Variants in NAALADL2 observed in about 807,000 individuals in gnomAD.
NAALADL2 encodes the protein N-acetylated alpha-linked acidic dipeptidase like 2.
NAALADL2 carries 76 observed loss-of-function variants against 87.2 expected under a neutral mutation model. That is an observed-to-expected ratio of 0.87 (90% CI 0.72 to 1.05). The LOEUF is 1.05. Among genes scored for constraint, NAALADL2 ranks in the 50% least tolerant of loss-of-function variants. The pLI is 0.00. For synonymous variants in NAALADL2, 354 were observed against 331.0 expected, an observed-to-expected ratio of 1.07 and a Z score of -0.75; for missense variants, 1,089 against 945.8, an observed-to-expected ratio of 1.15 and a Z score of -1.99.
At chr3:174,985,957 A>T (rs1745806589) in intron 1 of NAALADL2, among the ~76,000 whole-genome samples, 1 of 152,010 alleles carries the variant, frequency 6.6e-6, no homozygotes, top group Admixed American at 6.5e-5. Context: ...CGTCTCAAAA[A>T]AAACAAAATA....
chr3:175,012,664 C>A (rs1219920707), intron 1 of NAALADL2, among the ~76,000 whole-genome samples: 1 of 152,008 alleles, frequency 6.6e-6, no homozygotes, highest in East Asian at 1.9e-4. Context: ...AAGTAAAGTG[C>A]ACAGCCATGC....
intron 1 of NAALADL2, among the ~76,000 whole-genome samples, chr3:174,477,062 A>G (rs970262589): frequency 1.3e-5 from 2 of 151,982 alleles, no homozygotes; most frequent in African/African-American, 4.8e-5. Context: ...GCACCATTGC[A>G]CTCCAGCCTG....
intron 9 of NAALADL2, among the ~76,000 whole-genome samples, chr3:175,539,327 T>G (rs1711862452): frequency 6.6e-6 from 1 of 152,174 alleles, no homozygotes; most frequent in East Asian, 1.9e-4. Flanking sequence ...CCTTTTTTAT[T>G]ATTAAATAGA....
intron 12 of NAALADL2, among the ~76,000 whole-genome samples, chr3:175,745,072 C>T (rs1745738839): frequency 6.6e-6 from 1 of 152,006 alleles, no homozygotes; most frequent in African/African-American, 2.4e-5. Flanking sequence ...GTAATTTTTA[C>T]CACTTGACAA....
intron 1 of NAALADL2, among the ~76,000 whole-genome samples, chr3:174,864,981 T>G (rs1490458596): frequency 6.6e-6 from 1 of 152,068 alleles, no homozygotes; most frequent in East Asian, 1.9e-4. Context: ...CCCTTGAGCT[T>G]CTAATTACTC....
chr3:175,034,875 T>C (rs1753223829), intron 1 of NAALADL2, among the ~76,000 whole-genome samples: 1 of 152,188 alleles, frequency 6.6e-6, no homozygotes, highest in Non-Finnish European at 1.5e-5. Flanking sequence ...GTTATAATCA[T>C]ATGAATTATT....
chr3:174,944,782 A>G (rs975396501), intron 1 of NAALADL2, among the ~76,000 whole-genome samples: 13 of 152,252 alleles, frequency 8.5e-5, no homozygotes, highest in Admixed American at 4.6e-4. Flanking sequence ...TGGGGGTTGC[A>G]AATATCCATG....
At chr3:174,577,342 A>G (rs192691049) in intron 2 of NAALADL2, among the ~76,000 whole-genome samples, 1 of 152,278 alleles carries the variant, frequency 6.6e-6, no homozygotes, top group Admixed American at 6.5e-5. Context: ...ACTGTTATAG[A>G]AGAGTATATT....
At chr3:174,905,271 G>C (rs952145997) in intron 1 of NAALADL2, among the ~76,000 whole-genome samples, 1 of 151,736 alleles carries the variant, frequency 6.6e-6, no homozygotes, top group African/African-American at 2.4e-5. Flanking sequence ...GTATTTAAAT[G>C]CTCATTGTTC....
intron 2 of NAALADL2, among the ~76,000 whole-genome samples, chr3:175,198,520 C>T (rs1023478487): frequency 2.0e-5 from 3 of 151,952 alleles, no homozygotes; most frequent in African/African-American, 7.2e-5. Context: ...TACCTGCACA[C>T]TTCTAGGATT....
chr3:174,946,178 A>C (rs576044694), intron 1 of NAALADL2, among the ~76,000 whole-genome samples: 1 of 152,160 alleles, frequency 6.6e-6, no homozygotes, highest in South Asian at 2.1e-4. Flanking sequence ...AAGCCTATCA[A>C]GAATTTGAGC....
intron 12 of NAALADL2, among the ~76,000 whole-genome samples, chr3:175,749,266 G>T (rs377088165): frequency 6.7e-6 from 1 of 150,046 alleles, no homozygotes; most frequent in Non-Finnish European, 1.5e-5. Flanking sequence ...AGAAGGGAAG[G>T]TTTTAAATTT....
intron 11 of NAALADL2, among the ~76,000 whole-genome samples, chr3:175,698,479 A>ATATT (rs1258520939): frequency 3.5e-5 from 4 of 115,196 alleles, no homozygotes; most frequent in Admixed American, 8.2e-5. Context: ...GTGTGTATAT[A>ATATT]TATTTATATA....
intron 1 of NAALADL2, among the ~76,000 whole-genome samples, chr3:174,880,752 G>A (rs2032277161): frequency 6.6e-6 from 1 of 152,088 alleles, no homozygotes; most frequent in South Asian, 2.1e-4. Flanking sequence ...TCTTCAGGCT[G>A]CTGTAACACA....
chr3:175,134,321 G>T (rs1181721394), intron 2 of NAALADL2, among the ~76,000 whole-genome samples: 1 of 152,186 alleles, frequency 6.6e-6, no homozygotes, highest in Non-Finnish European at 1.5e-5. Context: ...TTTTCCAACT[G>T]CAGAGTTATT....
chr3:175,249,968 G>A (rs1285029899), intron 3 of NAALADL2, among the ~76,000 whole-genome samples: 1 of 151,944 alleles, frequency 6.6e-6, no homozygotes, highest in African/African-American at 2.4e-5. Context: ...TCGGGAGTTC[G>A]AGACCAGCCT....
chr3:175,237,285 AT>A (rs1187517594), intron 3 of NAALADL2, among the ~76,000 whole-genome samples: 1 of 152,138 alleles, frequency 6.6e-6, no homozygotes, highest in East Asian at 1.9e-4. Flanking sequence ...TATAATTATG[AT>A]TTGATTAAAA....
At chr3:175,349,326 A>G (rs1202692101) in intron 5 of NAALADL2, among the ~76,000 whole-genome samples, 9 of 152,204 alleles carry the variant, frequency 5.9e-5, no homozygotes, top group Middle Eastern at 3.4e-3. Flanking sequence ...AAAGAGTGAG[A>G]CCTACTAAAC....
intron 1 of NAALADL2, among the ~76,000 whole-genome samples, chr3:174,492,673 C>A (rs888998999): frequency 1.2e-4 from 19 of 152,186 alleles, no homozygotes; most frequent in Admixed American, 1.2e-3. Context: ...TTTCCAAATG[C>A]AACAGAATGT....
Sources: allele counts gnomAD v4.1 joint callset (sites outside exome capture counted in the v4.1 genomes callset), GRCh38; gene constraint gnomAD v4.1.1; transcripts MANE v1.5; gene names NCBI Gene and HGNC (gene_info 2026-07-23, HGNC 2026-07-21).